CHSY3: variants seen among roughly 807,000 people sequenced by gnomAD.
CHSY3 encodes chondroitin sulfate synthase 3.
In CHSY3, 35 loss-of-function variants were observed where a neutral mutation model predicts 67.2. The ratio of observed to expected loss-of-function variants is 0.52; its 90% CI spans 0.40 to 0.69. The LOEUF is 0.69. CHSY3 is among the 30% of genes least tolerant of loss of function. CHSY3 has a pLI of 0.00. For missense variants in CHSY3, 1,069 were observed against 1,138.5 expected (o/e 0.94, Z 0.88); for synonymous variants, 474 against 434.7 (o/e 1.09, Z -1.12).
Position 130,069,005 on chromosome 5 carries a change from T to C in CHSY3, c.1087-115224T>C, listed in dbSNP as rs145008534. 5.6e-3 allele frequency among the ~76,000 whole-genome samples: 846 copies of C among 152,244 alleles called. 11 individuals carry two copies. Among genetic ancestry groups the C allele is most frequent in the East Asian group, 0.021 (111 of 5,174 alleles). On this transcript the variant is annotated intron_variant, in intron 2 of 2. Coordinates refer to ENST00000305031, the MANE Select transcript of CHSY3 (RefSeq NM_175856.5). ...CAAAATATATATGTATTTCATTGTG[T>C]TTGTAAACATCTTGTCATAGAAAAT...
intron 2 of CHSY3, among the ~76,000 whole-genome samples, chr5:130,013,165 G>T (rs1764117110): frequency 6.6e-6 from 1 of 152,170 alleles, no homozygotes; most frequent in Admixed American, 6.5e-5. Flanking sequence ...GGGCTCCCAT[G>T]GTCTTGGAGA....
chr5:130,169,348 G>T (rs182051888), intron 2 of CHSY3, among the ~76,000 whole-genome samples: 3 of 151,890 alleles, frequency 2.0e-5, no homozygotes, highest in East Asian at 1.9e-4. Context: ...AAGAAACTCC[G>T]TAAAAAACAA....
At chr5:130,160,891 A>AT (rs1171885849) in intron 2 of CHSY3, among the ~76,000 whole-genome samples, 1,806 of 138,112 alleles carry the variant, frequency 0.013, 16 homozygotes, top group Non-Finnish European at 0.02. Context: ...TTATTTATTT[A>AT]TTTATTTTTT....
chr5:130,072,018 A>C lies in CHSY3; in HGVS notation c.1087-112211A>C, dbSNP rs536165418. Among the ~76,000 whole-genome samples, 269 of 152,072 alleles carry C rather than the reference A, an allele frequency of 1.8e-3. 2 individuals carry two copies. The highest frequency in any genetic ancestry group is 6.3e-3 in the African/African-American group (262 of 41,526). On this transcript the variant is annotated intron_variant, in intron 2 of 2. Coordinates refer to ENST00000305031, the MANE Select transcript of CHSY3 (RefSeq NM_175856.5). Reference sequence around the variant, plus strand: ...CTTTTTTTGAGAAATGTCTGTTTAGATCCTTTGCCCATTTTTAATTAAGGT... The same window carrying C: ...CTTTTTTTGAGAAATGTCTGTTTAGCTCCTTTGCCCATTTTTAATTAAGGT...
chr5:130,029,539 T>A (rs987997015), intron 2 of CHSY3, among the ~76,000 whole-genome samples: 2 of 152,112 alleles, frequency 1.3e-5, no homozygotes, highest in African/African-American at 4.8e-5. Flanking sequence ...TCTCCATGTG[T>A]TCATGAGGTG....
At chr5:129,935,714 T>C (rs1257725080) in intron 2 of CHSY3, among the ~76,000 whole-genome samples, 1 of 152,230 alleles carries the variant, frequency 6.6e-6, no homozygotes, top group African/African-American at 2.4e-5. Context: ...ATGGAAATAT[T>C]GCATTTTAAA....
chr5:130,169,704 G>C (rs200169612), intron 2 of CHSY3, among the ~76,000 whole-genome samples: 2 of 145,952 alleles, frequency 1.4e-5, no homozygotes, highest in African/African-American at 5.0e-5. Context: ...AAAAAAAACA[G>C]TAATTACAAC....
chr5:130,002,195 G>C (rs185543572), intron 2 of CHSY3: 73 of 268,596 alleles, frequency 2.7e-4, no homozygotes, highest in African/African-American at 1.6e-3. Flanking sequence ...GTTCTATGAA[G>C]CCTATATAGT....
intron 2 of CHSY3, among the ~76,000 whole-genome samples, chr5:129,991,825 T>C (rs1172639334): frequency 6.6e-6 from 1 of 152,068 alleles, no homozygotes; most frequent in Non-Finnish European, 1.5e-5. Flanking sequence ...AGATAATTTT[T>C]CCCTTAGATT....
intron 2 of CHSY3, among the ~76,000 whole-genome samples, chr5:129,914,436 G>C (rs1174874787): frequency 6.6e-6 from 1 of 152,048 alleles, no homozygotes. Flanking sequence ...TTCTAATGTT[G>C]ATTTTACTCA....
chr5:129,970,334 G>A (rs965433582), intron 2 of CHSY3, among the ~76,000 whole-genome samples: 1 of 151,590 alleles, frequency 6.6e-6, no homozygotes, highest in African/African-American at 2.4e-5. Flanking sequence ...TTATTTGTTC[G>A]ACTTTAGGGA....
intron 2 of CHSY3, among the ~76,000 whole-genome samples, chr5:129,942,925 T>C (rs956440562): frequency 6.6e-6 from 1 of 152,186 alleles, no homozygotes; most frequent in Non-Finnish European, 1.5e-5. Context: ...AAAATTCTTC[T>C]TTAGAGTGTT....
chr5:129,939,753 C>T (rs1761639145), intron 2 of CHSY3, among the ~76,000 whole-genome samples: 1 of 152,144 alleles, frequency 6.6e-6, no homozygotes, highest in Non-Finnish European at 1.5e-5. Context: ...TAAACGTGCT[C>T]ATAGCTTTTT....
At chr5:130,069,847 T>G (rs967317903) in intron 2 of CHSY3, among the ~76,000 whole-genome samples, 2 of 152,122 alleles carry the variant, frequency 1.3e-5, no homozygotes, top group African/African-American at 4.8e-5. Flanking sequence ...TCTTCTAAAT[T>G]AAGATTTTAG....
At position 130,178,253 on chromosome 5, in the gene CHSY3, A is replaced by ATTTTT. The variant is rs10699248; in HGVS notation, c.1087-5963_1087-5959dup. Among the ~76,000 whole-genome samples the ATTTTT allele has an allele frequency of 3.2e-3, 147 of 45,908 alleles. 7 individuals carry two copies. The highest frequency in any genetic ancestry group is 0.013 in the African/African-American group (127 of 9,862). The allele number at this position is 45,908 out of a possible 152,430, so 30.1% of individuals were successfully genotyped here. A position where few individuals can be genotyped will look rare whatever the true frequency, so the allele number is the denominator to read the frequency against. ...TATATATATATATATATATATATATATTTTTTTTTTTTTTTTTCCTGAGAC... is the reference window on the plus strand; with the variant it reads ...TATATATATATATATATATATATATATTTTTTTTTTTTTTTTTTTTTTCCTGAGAC... On this transcript the variant is annotated intron_variant, in intron 2 of 2. Coordinates refer to ENST00000305031, the MANE Select transcript of CHSY3 (RefSeq NM_175856.5).
chr5:130,157,900 C>T (rs971807657), intron 2 of CHSY3, among the ~76,000 whole-genome samples: 3 of 152,096 alleles, frequency 2.0e-5, no homozygotes, highest in African/African-American at 7.2e-5. Flanking sequence ...CCTTTTTAGA[C>T]CATATAGGGT....
At chr5:130,060,497 T>C (rs1765676504) in intron 2 of CHSY3, among the ~76,000 whole-genome samples, 1 of 152,054 alleles carries the variant, frequency 6.6e-6, no homozygotes. Flanking sequence ...TTCCAAGAAC[T>C]GGAACGAGAC....
intron 2 of CHSY3, among the ~76,000 whole-genome samples, chr5:129,924,667 T>G (rs530876443): frequency 2.1e-4 from 32 of 151,758 alleles, no homozygotes; most frequent in Non-Finnish European, 4.0e-4. Context: ...AAAAATAGAA[T>G]TAACTTTCTG....
At chr5:129,979,570 G>A (rs1361309780) in intron 2 of CHSY3, among the ~76,000 whole-genome samples, 2 of 151,932 alleles carry the variant, frequency 1.3e-5, no homozygotes, top group Non-Finnish European at 2.9e-5. Flanking sequence ...TCACCATAAG[G>A]TACATTTGTT....
Sources: allele counts gnomAD v4.1 joint callset (sites outside exome capture counted in the v4.1 genomes callset), GRCh38; gene constraint gnomAD v4.1.1; transcripts MANE v1.5; gene names NCBI Gene and HGNC (gene_info 2026-07-23, HGNC 2026-07-21).